Variants in HHAT observed in about 807,000 individuals in gnomAD.
The protein encoded by HHAT is hedgehog acyltransferase, also known as protein-cysteine N-palmitoyltransferase HHAT.
A neutral mutation model predicts 70.8 loss-of-function variants in HHAT; 47 were observed. That is an observed-to-expected ratio of 0.66 (90% CI 0.53 to 0.85). The LOEUF (loss-of-function observed/expected upper bound fraction) is 0.85, where lower values mean the gene tolerates loss of function less well. Among genes scored for constraint, HHAT ranks in the 40% least tolerant of loss-of-function variants. HHAT has a pLI of 0.00. For missense variants in HHAT, 609 were observed against 604.8 expected, an observed-to-expected ratio of 1.01 and a Z score of -0.07; for synonymous variants, 228 against 247.6, an observed-to-expected ratio of 0.92 and a Z score of 0.74.
chr1:210,423,106 T>C (rs2092954186), intron 7 of HHAT, among the ~76,000 whole-genome samples: 2 of 152,238 alleles, frequency 1.3e-5, no homozygotes, highest in Admixed American at 6.5e-5. Context: ...TGCTGGATCA[T>C]ATGGTAGTTC....
Position 210,662,061 on chromosome 1 carries a change from A to G in HHAT, c.1391-12227A>G, listed in dbSNP as rs114595620. Reference sequence around the variant, plus strand: ...TTATCTTATTCAATTTTAACTTATTAGTGTTAGTTCATCCTCACAGCCTAC... The same window carrying G: ...TTATCTTATTCAATTTTAACTTATTGGTGTTAGTTCATCCTCACAGCCTAC... On this transcript the variant is annotated intron_variant, in intron 11 of 11. Transcript: ENST00000261458. Among the ~76,000 whole-genome samples the G allele has an allele frequency of 4.1e-4, 62 of 152,338 alleles. 1 individual carries two copies. The highest frequency in any genetic ancestry group is 1.4e-3 in the African/African-American group (59 of 41,576).
chr1:210,654,795 C>A (rs935060795), intron 11 of HHAT, among the ~76,000 whole-genome samples: 8 of 152,186 alleles, frequency 5.3e-5, no homozygotes, highest in African/African-American at 1.4e-4. Flanking sequence ...GGGAAGGGTT[C>A]CAACAGCCTA....
chr1:210,362,125 C>T (rs1362980955), intron 2 of HHAT, among the ~76,000 whole-genome samples: 3 of 152,108 alleles, frequency 2.0e-5, no homozygotes, highest in Admixed American at 6.5e-5. Flanking sequence ...GTATTGTTTA[C>T]TTACAAACAT....
At chr1:210,457,853 T>C (rs992759087) in intron 7 of HHAT, among the ~76,000 whole-genome samples, 2 of 152,140 alleles carry the variant, frequency 1.3e-5, no homozygotes, top group Non-Finnish European at 2.9e-5. Context: ...CATGCTACTC[T>C]GTGTTGTGTG....
At chr1:210,521,349 G>A (rs1227778911) in intron 9 of HHAT, among the ~76,000 whole-genome samples, 1 of 152,126 alleles carries the variant, frequency 6.6e-6, no homozygotes, top group Non-Finnish European at 1.5e-5. Context: ...CTGCAGTATG[G>A]GAGTTGGTGG....
At chr1:210,513,425 A>G (rs2094996187) in intron 9 of HHAT, among the ~76,000 whole-genome samples, 2 of 152,254 alleles carry the variant, frequency 1.3e-5, no homozygotes, top group African/African-American at 4.8e-5. Context: ...TAAGATCTTG[A>G]CAAGTATAAT....
chr1:210,402,047 C>T (rs551554965), intron 5 of HHAT, among the ~76,000 whole-genome samples: 4 of 152,278 alleles, frequency 2.6e-5, no homozygotes, highest in Admixed American at 2.6e-4. Flanking sequence ...TTTACATGTT[C>T]AAGTTGGAGC....
chr1:210,348,535 A>G (rs1003161176), intron 1 of HHAT, among the ~76,000 whole-genome samples: 5 of 152,170 alleles, frequency 3.3e-5, no homozygotes, highest in South Asian at 2.1e-4. Flanking sequence ...TTCTTGCTAC[A>G]TCCCAGGCAC....
At position 210,560,815 on chromosome 1, in the gene HHAT, A is replaced by T. The variant is rs910400880; in HGVS notation, c.1044-27083A>T. Among the ~76,000 whole-genome samples the T allele has an allele frequency of 1.6e-3, 16 of 10,240 alleles. No homozygotes were observed. In the South Asian group the frequency reaches 0.039, roughly 25 times the overall value. The allele number at this position is 10,240 out of a possible 152,430, so 6.7% of individuals were successfully genotyped here. A position where few individuals can be genotyped will look rare whatever the true frequency, so the allele number is the denominator to read the frequency against. ...GTGACAAAGTGAGACCCTGTGTCTT[A>T]AAAAAAAAAAAAAAAAAAAAAAAAA... On this transcript the variant is annotated intron_variant, in intron 9 of 11. Transcript: ENST00000261458.
At chr1:210,629,142 A>G (rs1281158470) in intron 11 of HHAT, among the ~76,000 whole-genome samples, 1 of 152,260 alleles carries the variant, frequency 6.6e-6, no homozygotes, top group Non-Finnish European at 1.5e-5. Flanking sequence ...CCGTGTTTAC[A>G]TCATTGGTCC....
At chr1:210,491,769 G>A (rs541450336) in intron 8 of HHAT, among the ~76,000 whole-genome samples, 1 of 152,062 alleles carries the variant, frequency 6.6e-6, no homozygotes, top group South Asian at 2.1e-4. Flanking sequence ...TAGCTTTTTT[G>A]TTTGTTTGTT....
chr1:210,356,694 T>C (rs1571845183), intron 2 of HHAT, among the ~76,000 whole-genome samples: 1 of 152,250 alleles, frequency 6.6e-6, no homozygotes. Flanking sequence ...TAGTTCTTTC[T>C]TTTACATTCT....
At chr1:210,363,390 GC>G (rs2088573325) in intron 3 of HHAT, among the ~76,000 whole-genome samples, 1 of 152,324 alleles carries the variant, frequency 6.6e-6, no homozygotes, top group South Asian at 2.1e-4. Context: ...CTTGTCTTCA[GC>G]AGCAGCTCAT....
At chr1:210,559,783 AT>A (rs548236544) in intron 9 of HHAT, among the ~76,000 whole-genome samples, 255 of 152,242 alleles carry the variant, frequency 1.7e-3, no homozygotes, top group Non-Finnish European at 3.2e-3. Flanking sequence ...TCTTTTGACC[AT>A]CCAGTCATTG....
chr1:210,422,337 T>A (rs2092927946), intron 7 of HHAT, among the ~76,000 whole-genome samples: 1 of 152,208 alleles, frequency 6.6e-6, no homozygotes, highest in African/African-American at 2.4e-5. Context: ...ACTCTAGTCA[T>A]CCTACAGTAC....
At chr1:210,359,821 C>G (rs1008777159) in intron 2 of HHAT, among the ~76,000 whole-genome samples, 1 of 151,832 alleles carries the variant, frequency 6.6e-6, no homozygotes, top group African/African-American at 2.4e-5. Context: ...GAGCCAAGAT[C>G]GCACCACTGT....
chr1:210,462,723 T>G (rs750847991), intron 7 of HHAT: 4 of 154,218 alleles, frequency 2.6e-5, no homozygotes, highest in Non-Finnish European at 4.3e-5. Context: ...GCTTTCACAT[T>G]TGAACCACCA....
chr1:210,458,425 A>G (rs942044572), intron 7 of HHAT, among the ~76,000 whole-genome samples: 1 of 152,216 alleles, frequency 6.6e-6, no homozygotes, highest in Non-Finnish European at 1.5e-5. Flanking sequence ...TTCCGATCTT[A>G]TAGATAACTA....
intron 5 of HHAT, 88 bp downstream of exon 5, chr1:210,400,750 A>G: frequency 1.6e-6 from 2 of 1,256,140 alleles, no homozygotes; most frequent in South Asian, 1.5e-5. Context: ...TTTTCAGACA[A>G]GAGATGATTG....
Sources: allele counts gnomAD v4.1 joint callset (sites outside exome capture counted in the v4.1 genomes callset), GRCh38; gene constraint gnomAD v4.1.1; transcripts MANE v1.5; gene names NCBI Gene and HGNC (gene_info 2026-07-23, HGNC 2026-07-21).